Variants in BRAF observed in about 807,000 individuals in gnomAD.
The protein encoded by BRAF is serine/threonine-protein kinase B-raf.
Under a neutral mutation model 104.6 loss-of-function variants are expected in BRAF, and 16 were observed. The observed-to-expected ratio is 0.15, with a 90% confidence interval of 0.10 to 0.23. The LOEUF is 0.23. BRAF is among the 10% of genes least tolerant of loss of function. The probability of loss-of-function intolerance (pLI) is 1.00; values close to 1 mark genes in which losing one functional copy is unlikely to be tolerated. For missense variants in BRAF, 541 were observed against 937.3 expected, an observed-to-expected ratio of 0.58 and a Z score of 5.52; for synonymous variants, 310 against 341.6, an observed-to-expected ratio of 0.91 and a Z score of 1.02.
At chr7:140,904,982 T>G (rs1183082483) in intron 1 of BRAF, among the ~76,000 whole-genome samples, 1 of 152,204 alleles carries the variant, frequency 6.6e-6, no homozygotes, top group Non-Finnish European at 1.5e-5. Flanking sequence ...ATAGAGATCT[T>G]TAATGAAAAT....
At chr7:140,745,891 G>T (rs1240389589) in intron 17 of BRAF, among the ~76,000 whole-genome samples, 1 of 152,204 alleles carries the variant, frequency 6.6e-6, no homozygotes, top group Non-Finnish European at 1.5e-5. Flanking sequence ...CACGCTGTGA[G>T]AAAGACCAAT....
At chr7:140,734,543 G>C (rs2130866635) in intron 19 of BRAF, 3 of 1,612,314 alleles carry the variant, frequency 1.9e-6, no homozygotes, top group Non-Finnish European at 2.5e-6. Flanking sequence ...GCAAACATAT[G>C]TTCATTTATT....
chr7:140,724,229 C>T lies in BRAF; in HGVS notation c.*2265G>A, dbSNP rs773158149. The T allele has an allele frequency of 5.7e-5, 60 of 1,058,840 alleles. No individual in the cohort carries two copies. Among genetic ancestry groups the T allele is most frequent in the Non-Finnish European group, 6.7e-5 (59 of 875,334 alleles). 65.6% of individuals were successfully genotyped at this position (1,058,840 alleles called of 1,614,324 possible). A position where few individuals can be genotyped will look rare whatever the true frequency, so the allele number is the denominator to read the frequency against. On this transcript the variant is annotated 3_prime_UTR_variant, in exon 20 of 20. Coordinates refer to ENST00000644969, the MANE Select transcript of BRAF (RefSeq NM_001374258.1). The stretch of plus-strand genomic sequence containing the variant: ...TGCCCCTGCCCCACGGAGGCAGTCC[C>T]GGACCCAGGCTGCACATGTTCTACC...
intron 1 of BRAF, among the ~76,000 whole-genome samples, chr7:140,855,922 G>A (rs1406690515): frequency 6.6e-6 from 1 of 151,642 alleles, no homozygotes; most frequent in African/African-American, 2.4e-5. Flanking sequence ...GGAGGCTGAG[G>A]CAGGAGAATC....
chr7:140,816,074 T>C (rs1294043359), intron 3 of BRAF, among the ~76,000 whole-genome samples: 1 of 152,210 alleles, frequency 6.6e-6, no homozygotes, highest in African/African-American at 2.4e-5. Flanking sequence ...TACAGTTTAT[T>C]AGGCGCCAAG....
chr7:140,763,325 C>G (rs1406830372), intron 14 of BRAF, among the ~76,000 whole-genome samples: 1 of 148,614 alleles, frequency 6.7e-6, no homozygotes, highest in Non-Finnish European at 1.5e-5. Context: ...GGCGGCTGGC[C>G]GGGCAGGGGG....
At chr7:140,875,568 G>A (rs10252634) in intron 1 of BRAF, among the ~76,000 whole-genome samples, 4,192 of 152,264 alleles carry the variant, frequency 0.028, 206 homozygotes, top group African/African-American at 0.094. Flanking sequence ...AGTACAGACA[G>A]GGTTTCACTA....
At chr7:140,896,725 G>A (rs1299448404) in intron 1 of BRAF, among the ~76,000 whole-genome samples, 2 of 152,002 alleles carry the variant, frequency 1.3e-5, no homozygotes, top group African/African-American at 4.8e-5. Flanking sequence ...AATAAGCCGG[G>A]CATGGTGGTG....
At chr7:140,741,990 C>T (rs974987274) in intron 17 of BRAF, among the ~76,000 whole-genome samples, 13 of 151,796 alleles carry the variant, frequency 8.6e-5, no homozygotes, top group African/African-American at 3.1e-4. Flanking sequence ...ATATCTATAA[C>T]ACCACTACCT....
intron 1 of BRAF, among the ~76,000 whole-genome samples, chr7:140,898,709 C>T (rs1815244695): frequency 6.6e-6 from 1 of 152,204 alleles, no homozygotes; most frequent in Non-Finnish European, 1.5e-5. Context: ...ACTTTCTCTC[C>T]TCCCTGAGGT....
At chr7:140,915,312 A>C (rs1382030950) in intron 1 of BRAF, among the ~76,000 whole-genome samples, 1 of 152,136 alleles carries the variant, frequency 6.6e-6, no homozygotes, top group Non-Finnish European at 1.5e-5. Context: ...TATTTCAATT[A>C]AGCAGTTCTA....
At chr7:140,850,730 C>T (rs1358015196) in intron 1 of BRAF, among the ~76,000 whole-genome samples, 1 of 152,090 alleles carries the variant, frequency 6.6e-6, no homozygotes, top group Admixed American at 6.6e-5. Context: ...CATTTCATAG[C>T]ATTGCACTGC....
chr7:140,727,530 C>T (rs1795673043), intron 19 of BRAF, among the ~76,000 whole-genome samples: 1 of 152,054 alleles, frequency 6.6e-6, no homozygotes, highest in African/African-American at 2.4e-5. Flanking sequence ...CTACTTGTAA[C>T]TAAAGGCCAA....
At chr7:140,833,686 G>A (rs1473561386) in intron 3 of BRAF, among the ~76,000 whole-genome samples, 1 of 152,074 alleles carries the variant, frequency 6.6e-6, no homozygotes, top group Admixed American at 6.5e-5. Context: ...ATGGAAAAAG[G>A]GCAGAAAAAG....
intron 1 of BRAF, among the ~76,000 whole-genome samples, chr7:140,916,899 T>C (rs1817690387): frequency 6.6e-6 from 1 of 152,172 alleles, no homozygotes. Flanking sequence ...TAAATTTAAC[T>C]ATAAAGCTAT....
At chr7:140,747,647 C>G (rs556918356) in intron 17 of BRAF, among the ~76,000 whole-genome samples, 4 of 152,182 alleles carry the variant, frequency 2.6e-5, no homozygotes, top group African/African-American at 9.6e-5. Context: ...TGAAACTAAA[C>G]TAAAAATCCA....
chr7:140,810,466 T>C (rs891622939), intron 3 of BRAF, among the ~76,000 whole-genome samples: 20 of 152,114 alleles, frequency 1.3e-4, no homozygotes, highest in African/African-American at 4.8e-4. Flanking sequence ...GCTACTCAGG[T>C]GGCTGAGGCA....
At position 140,722,838 on chromosome 7, in the gene BRAF, A is replaced by C. The variant is rs1481607313; in HGVS notation, c.*3656T>G. The C allele has an allele frequency of 1.9e-6, 2 of 1,053,374 alleles. No individual in the cohort carries two copies. Among genetic ancestry groups the C allele is most frequent in the Non-Finnish European group, 2.3e-6 (2 of 871,848 alleles). 65.3% of individuals were successfully genotyped at this position (1,053,374 alleles called of 1,614,324 possible). On this transcript the variant is annotated 3_prime_UTR_variant, in exon 20 of 20. Coordinates refer to ENST00000644969, the MANE Select transcript of BRAF (RefSeq NM_001374258.1). ...ATTTCATGCAATTGACTCAAGGTTA[A>C]GATTCTGAAACGTACCCCTAAACCG...
At chr7:140,839,887 T>C (rs944723241) in intron 2 of BRAF, among the ~76,000 whole-genome samples, 1 of 152,182 alleles carries the variant, frequency 6.6e-6, no homozygotes, top group Non-Finnish European at 1.5e-5. Context: ...AGGTAATAGT[T>C]GATCTACAAC....
Sources: allele counts gnomAD v4.1 joint callset (sites outside exome capture counted in the v4.1 genomes callset), GRCh38; gene constraint gnomAD v4.1.1; transcripts MANE v1.5; gene names NCBI Gene and HGNC (gene_info 2026-07-23, HGNC 2026-07-21).